The following ANKS6 variants were observed in gnomAD, a reference collection of about 807,000 sequenced individuals.
The protein encoded by ANKS6 is ankyrin repeat and sterile alpha motif domain containing 6, also known as ankyrin repeat and SAM domain-containing protein 6.
A neutral mutation model predicts 77.9 loss-of-function variants in ANKS6; 47 were observed. The ratio of observed to expected loss-of-function variants is 0.60; its 90% CI spans 0.48 to 0.77. The LOEUF is 0.77. Ranked by LOEUF, ANKS6 falls within the 30% of genes least tolerant of loss-of-function variation. The pLI is 0.00. For synonymous variants in ANKS6, 488 were observed against 501.7 expected (o/e 0.97, Z 0.37); for missense variants, 1,150 against 1,159.1 (o/e 0.99, Z 0.11).
intron 5 of ANKS6, among the ~76,000 whole-genome samples, chr9:98,781,391 T>C (rs1465896640): frequency 6.6e-6 from 1 of 151,940 alleles, no homozygotes; most frequent in Admixed American, 6.5e-5. Flanking sequence ...TCAGAAAAAG[T>C]GTGTATGAGA....
chr9:98,777,555 TG>T, intron 7 of ANKS6, 101 bp from the exon 8 acceptor site: 1 of 1,008,002 alleles, frequency 9.9e-7, no homozygotes, highest in Non-Finnish European at 1.5e-6. Flanking sequence ...CCAACTCTCC[TG>T]GGTGCTTAAA....
intron 2 of ANKS6, 96 bp downstream of exon 2, chr9:98,790,008 G>T: frequency 1.4e-6 from 2 of 1,472,208 alleles, no homozygotes. Flanking sequence ...TGGACTCTGA[G>T]TTCTGCGTGT....
In ANKS6 at chr9:98,790,557, C is replaced by T. The variant is rs1381913540; in HGVS notation, c.409G>A (p.Val137Ile). Residue 137 changes from valine to isoleucine, a missense_variant, in exon 2 of 15, where the codon GTC (valine) becomes ATC (isoleucine). Transcript: ENST00000353234. ...AHLLLDHGAD[V>I]NAQNRLGASV... Reference sequence around the variant, plus strand: ...GCCCCCAGCCGGTTCTGGGCATTGACATCAGCCCCGTGATCCAACAGGAGG... The same window carrying T: ...GCCCCCAGCCGGTTCTGGGCATTGATATCAGCCCCGTGATCCAACAGGAGG... The T allele has an allele frequency of 6.2e-7, 1 of 1,611,216 alleles. No homozygotes were observed. The highest frequency in any genetic ancestry group is 8.5e-7 in the Non-Finnish European group (1 of 1,177,964).
intron 2 of ANKS6, among the ~76,000 whole-genome samples, chr9:98,789,121 C>T (rs542051749): frequency 7.6e-4 from 111 of 145,710 alleles, no homozygotes; most frequent in Middle Eastern, 3.7e-3. Flanking sequence ...ATTCTATATT[C>T]TTTCAATGGT....
In ANKS6 at chr9:98,756,648, G is replaced by A. The variant is rs1405967992; in HGVS notation, c.2143-45C>T. 5 of 1,412,070 alleles carry A rather than the reference G, an allele frequency of 3.5e-6. No individual in the cohort carries two copies. In the South Asian group the frequency reaches 5.4e-5, roughly 15 times the overall value. 87.5% of individuals were successfully genotyped at this position (1,412,070 alleles called of 1,614,324 possible). On this transcript the variant is annotated intron_variant, in intron 11 of 14. Transcript: ENST00000353234. The stretch of plus-strand genomic sequence containing the variant: ...AAATACATAAGCCATCACCTGTAGG[G>A]TAGAAATGAGGAAAACAAGACACCC...
Position 98,735,105 on chromosome 9 carries a change from T to A in ANKS6, c.*1414A>T. ...GGCTCAGCATGGCTCAAGGTAGAGA[T>A]CAGAATTCTGTGCAGCCTACCATCG... On this transcript the variant is annotated 3_prime_UTR_variant, in exon 15 of 15. Coordinates refer to ENST00000353234, the MANE Select transcript of ANKS6 (RefSeq NM_173551.5). 9.1e-6 allele frequency: 9 copies of A among 985,258 alleles called. No homozygotes were observed. The highest frequency in any genetic ancestry group is 1.1e-5 in the Non-Finnish European group (9 of 829,928). The allele number at this position is 985,258 out of a possible 1,614,324, so 61.0% of individuals were successfully genotyped here. A position where few individuals can be genotyped will look rare whatever the true frequency, so the allele number is the denominator to read the frequency against.
chr9:98,744,874 A>C (rs1207174282), intron 14 of ANKS6, among the ~76,000 whole-genome samples: 1 of 151,986 alleles, frequency 6.6e-6, no homozygotes, highest in African/African-American at 2.4e-5. Flanking sequence ...AAAAAAAAAA[A>C]GCCACCCTTT....
intron 9 of ANKS6, 28 bp downstream of exon 9, chr9:98,773,849 T>C: frequency 6.7e-7 from 1 of 1,496,038 alleles, no homozygotes; most frequent in Non-Finnish European, 8.9e-7. Flanking sequence ...GTGAGTGATG[T>C]GTAAAAGTGT....
Position 98,735,438 on chromosome 9 carries a change from G to T in ANKS6, c.*1081C>A. The T allele has an allele frequency of 1.3e-5, 15 of 1,191,674 alleles. No homozygotes were observed. The highest frequency in any genetic ancestry group is 1.6e-5 in the Non-Finnish European group (15 of 964,232). The allele number at this position is 1,191,674 out of a possible 1,614,324, so 73.8% of individuals were successfully genotyped here. On this transcript the variant is annotated 3_prime_UTR_variant, in exon 15 of 15. Coordinates refer to ENST00000353234, the MANE Select transcript of ANKS6 (RefSeq NM_173551.5). ...AAGCCAGTGGGTTTTAAAAGTCAGGGCCCCTCTAATTTAATAAAATATGAT... is the reference window on the plus strand; with the variant it reads ...AAGCCAGTGGGTTTTAAAAGTCAGGTCCCCTCTAATTTAATAAAATATGAT...
rs1386163098 is a variant in ANKS6 at position 98,735,135 on chromosome 9, G to C, written c.*1384C>G. ...ATTCTGTGCAGCCTACCATCGACTG[G>C]GTACTTCCTGCAGACCCAGCACTTT... On this transcript the variant is annotated 3_prime_UTR_variant, in exon 15 of 15. Transcript: ENST00000353234. 3.0e-5 allele frequency: 30 copies of C among 985,258 alleles called. No homozygotes were observed. Among genetic ancestry groups the C allele is most frequent in the Non-Finnish European group, 3.6e-5 (30 of 829,960 alleles). 61.0% of individuals were successfully genotyped at this position (985,258 alleles called of 1,614,324 possible). A position where few individuals can be genotyped will look rare whatever the true frequency, so the allele number is the denominator to read the frequency against.
rs894384226 is a variant in ANKS6, at chr9:98,735,726, G to C, written c.*793C>G. On this transcript the variant is annotated 3_prime_UTR_variant, in exon 15 of 15. Coordinates refer to ENST00000353234, the MANE Select transcript of ANKS6 (RefSeq NM_173551.5). ...GGAAACTGAAAGCTAGGAAGAAGAA[G>C]GGATCCACACAGCAGGCCTCCACTT... 8.1e-7 allele frequency: 1 copy of C among 1,231,614 alleles called. No homozygotes were observed. Among genetic ancestry groups the C allele is most frequent in the East Asian group, 3.2e-5 (1 of 31,718 alleles). 76.3% of individuals were successfully genotyped at this position (1,231,614 alleles called of 1,614,324 possible). A position where few individuals can be genotyped will look rare whatever the true frequency, so the allele number is the denominator to read the frequency against.
intron 11 of ANKS6, 98 bp downstream of exon 11, chr9:98,767,983 G>A: frequency 1.4e-6 from 2 of 1,459,202 alleles, no homozygotes; most frequent in Admixed American, 2.1e-5. Flanking sequence ...CTTTAGTCCT[G>A]TCCCATGACT....
intron 3 of ANKS6, chr9:98,784,448 G>A: frequency 2.5e-6 from 1 of 407,852 alleles, no homozygotes; most frequent in East Asian, 3.9e-5. Flanking sequence ...CAGAAGGAGA[G>A]TTCAGGTCTC....
chr9:98,765,644 T>C (rs770855474), intron 11 of ANKS6, among the ~76,000 whole-genome samples: 4 of 152,150 alleles, frequency 2.6e-5, no homozygotes, highest in Non-Finnish European at 2.9e-5. Flanking sequence ...TTGAAATGAC[T>C]GAGCTTTAAG....
chr9:98,772,721 C>T (rs1833708236), intron 9 of ANKS6, among the ~76,000 whole-genome samples: 1 of 152,226 alleles, frequency 6.6e-6, no homozygotes, highest in Non-Finnish European at 1.5e-5. Context: ...TTCTCTCTCC[C>T]TCTACCTGGG....
At chr9:98,748,588 C>T (rs745418194) in intron 13 of ANKS6, among the ~76,000 whole-genome samples, 12 of 152,158 alleles carry the variant, frequency 7.9e-5, no homozygotes, top group Non-Finnish European at 1.2e-4. Context: ...TTTGCAGTCT[C>T]CTTCCATCCT....
At chr9:98,778,201 T>C in intron 7 of ANKS6, 25 bp downstream of exon 7, 1 of 1,613,082 alleles carries the variant, frequency 6.2e-7, no homozygotes, top group Non-Finnish European at 8.5e-7. Context: ...CCAAAAATTC[T>C]ACTGCACATG....
intron 14 of ANKS6, among the ~76,000 whole-genome samples, chr9:98,737,975 A>T (rs1831592718): frequency 6.6e-6 from 1 of 152,212 alleles, no homozygotes; most frequent in Non-Finnish European, 1.5e-5. Flanking sequence ...ACAAAAACAT[A>T]AAGTGGGGAA....
intron 5 of ANKS6, 34 bp from the exon 6 acceptor site, chr9:98,780,371 A>C: frequency 6.5e-7 from 1 of 1,549,070 alleles, no homozygotes; most frequent in Non-Finnish European, 8.7e-7. Context: ...TTACCTGCAA[A>C]TATGTCTGTT....
Sources: gnomAD v4.1 joint callset for allele counts (sites outside exome capture counted in the v4.1 genomes callset) on GRCh38, gnomAD v4.1.1 for gene constraint, MANE v1.5 for transcripts, NCBI Gene and HGNC (gene_info 2026-07-23, HGNC 2026-07-21) for gene names.